The following NBEAL1 variants were observed in gnomAD, a reference collection of about 807,000 sequenced individuals.
NBEAL1 encodes the protein neurobeachin like 1.
Under a neutral mutation model 351.3 loss-of-function variants are expected in NBEAL1, and 273 were observed. That is an observed-to-expected ratio of 0.78 (90% CI 0.70 to 0.86). The LOEUF (loss-of-function observed/expected upper bound fraction) is 0.86, where lower values mean the gene tolerates loss of function less well. Among genes scored for constraint, NBEAL1 ranks in the 40% least tolerant of loss-of-function variants. The pLI is 0.00. For missense variants in NBEAL1, 2,961 were observed against 3,201.3 expected, an observed-to-expected ratio of 0.92 and a Z score of 1.81; for synonymous variants, 1,050 against 1,086.4, an observed-to-expected ratio of 0.97 and a Z score of 0.66.
intron 47 of NBEAL1, among the ~76,000 whole-genome samples, chr2:203,194,496 T>G (rs905891853): frequency 1.3e-5 from 2 of 152,178 alleles, no homozygotes; most frequent in Non-Finnish European, 2.9e-5. Context: ...TTACTAAGAT[T>G]AGTTTGAAAA....
chr2:203,053,502 C>T (rs1450236053), intron 4 of NBEAL1, among the ~76,000 whole-genome samples: 7 of 151,534 alleles, frequency 4.6e-5, no homozygotes, highest in African/African-American at 1.7e-4. Context: ...TTTTTGTCGT[C>T]GTCGTTGTTG....
At chr2:203,146,797 CAAT>C (rs1283133031) in intron 33 of NBEAL1, among the ~76,000 whole-genome samples, 2 of 151,480 alleles carry the variant, frequency 1.3e-5, no homozygotes, top group Non-Finnish European at 2.9e-5. Context: ...GTCTCAAGAA[CAAT>C]AATAATAATG....
At chr2:203,052,893 A>C (rs1045341761) in intron 4 of NBEAL1, among the ~76,000 whole-genome samples, 1 of 151,834 alleles carries the variant, frequency 6.6e-6, no homozygotes, top group African/African-American at 2.4e-5. Context: ...GTCCTCCTCC[A>C]TGTGTTTGTA....
At chr2:203,083,069 A>T (rs2061900680) in intron 8 of NBEAL1, 150 bp from the exon 9 acceptor site, 7 of 659,932 alleles carry the variant, frequency 1.1e-5, no homozygotes, top group East Asian at 2.7e-5. Flanking sequence ...TGTATGAACC[A>T]CTAGCAGTGG....
chr2:203,176,321 G>C (rs1428669510), intron 42 of NBEAL1, among the ~76,000 whole-genome samples: 3 of 151,564 alleles, frequency 2.0e-5, no homozygotes, highest in African/African-American at 7.3e-5. Context: ...GTAGAGATGG[G>C]GTTTTGCCAT....
At chr2:203,018,567 CA>C (rs2060717920) in intron 2 of NBEAL1, among the ~76,000 whole-genome samples, 1 of 152,060 alleles carries the variant, frequency 6.6e-6, no homozygotes, top group Non-Finnish European at 1.5e-5. Flanking sequence ...CTCTGAGGGA[CA>C]AGCAGTTTTT....
Position 203,222,661 on chromosome 2 carries a change from T to C in NBEAL1, c.*5307T>C, listed in dbSNP as rs1043581662. Among the ~76,000 whole-genome samples the C allele has an allele frequency of 3.3e-5, 5 of 152,172 alleles. No individual in the cohort carries two copies. The highest frequency in any genetic ancestry group is 9.6e-5 in the African/African-American group (4 of 41,452). On this transcript the variant is annotated 3_prime_UTR_variant, in exon 56 of 56. Transcript: ENST00000683969. ...ACATCTGTTTGCTAATATTAGTTCC[T>C]GGTGACTTTCAGTGAACGTTTTGCA...
At chr2:203,090,915 GAAGGAAAGGGAA>G (rs2062051677) in intron 10 of NBEAL1, among the ~76,000 whole-genome samples, 1 of 151,388 alleles carries the variant, frequency 6.6e-6, no homozygotes. Context: ...AGAAGGAAAG[GAAGGAAAGGGAA>G]AAGGAAAGGG....
intron 46 of NBEAL1, among the ~76,000 whole-genome samples, chr2:203,192,952 T>C (rs1267705701): frequency 1.6e-5 from 2 of 128,970 alleles, no homozygotes; most frequent in Non-Finnish European, 3.3e-5. Context: ...ATTGACTTTT[T>C]TTCTTTCTTT....
At chr2:203,082,621 A>G (rs1302661973) in intron 8 of NBEAL1, among the ~76,000 whole-genome samples, 1 of 152,230 alleles carries the variant, frequency 6.6e-6, no homozygotes, top group Non-Finnish European at 1.5e-5. Context: ...GTCATCTTAC[A>G]TGTTTAAATC....
In NBEAL1 at chr2:203,172,016, A is replaced by G; in HGVS notation, c.6191A>G (p.Tyr2064Cys). 6.3e-7 allele frequency: 1 copy of G among 1,581,236 alleles called. No individual in the cohort carries two copies. Among genetic ancestry groups the G allele is most frequent in the Non-Finnish European group, 8.6e-7 (1 of 1,166,670 alleles). ...AGRTYNDLAQ[Y>C]PVFPWILQDY... ...CGAACCTATAATGACCTTGCACAGT[A>G]TCCTGTGGTAAGTTTTGCATAAACC... Residue 2064 changes from tyrosine (Y) to cysteine (C), a missense_variant, in exon 40 of 56, where the codon TAT becomes TGT. Transcript: ENST00000683969.
chr2:203,113,821 CT>C (rs34496672), intron 17 of NBEAL1, among the ~76,000 whole-genome samples: 95,852 of 114,710 alleles, frequency 0.84, 40,436 homozygotes, highest in Non-Finnish European at 0.91. Context: ...CTGTGTCTCT[CT>C]TTTTTTTTTT....
intron 55 of NBEAL1, among the ~76,000 whole-genome samples, chr2:203,214,540 C>T (rs986283617): frequency 2.0e-5 from 3 of 152,054 alleles, no homozygotes; most frequent in Non-Finnish European, 2.9e-5. Flanking sequence ...TTTGGGGGAC[C>T]GAGACGAGCG....
At chr2:203,096,061 C>T (rs2062177598) in intron 10 of NBEAL1, among the ~76,000 whole-genome samples, 1 of 152,136 alleles carries the variant, frequency 6.6e-6, no homozygotes, top group Non-Finnish European at 1.5e-5. Flanking sequence ...CCAGCTGACA[C>T]CTTTCATTTG....
In NBEAL1 at chr2:203,016,262, T is replaced by C. The variant is rs1376216528; in HGVS notation, c.-123T>C. 1.3e-5 allele frequency: 7 copies of C among 553,666 alleles called. No homozygotes were observed. The highest frequency in any genetic ancestry group is 2.1e-5 in the Non-Finnish European group (7 of 338,702). The allele number at this position is 553,666 out of a possible 1,614,324, so 34.3% of individuals were successfully genotyped here. On this transcript the variant is annotated 5_prime_UTR_variant, in exon 2 of 56. Coordinates refer to ENST00000683969, the MANE Select transcript of NBEAL1 (RefSeq NM_001378026.1). ...ACAGTCCATTTGTTTCACTTCTTTT[T>C]GCTTTCTTTACTGCTATGAGCTTTA...
chr2:203,020,670 CAAAAAAAAAA>C (rs201438851), intron 2 of NBEAL1, among the ~76,000 whole-genome samples: 1 of 58,992 alleles, frequency 1.7e-5, no homozygotes, highest in Non-Finnish European at 3.5e-5. Context: ...GACTCTGTCT[CAAAAAAAAAA>C]AAAAAAAGAA....
At chr2:203,029,718 A>G (rs1470384311) in intron 2 of NBEAL1, among the ~76,000 whole-genome samples, 1 of 152,026 alleles carries the variant, frequency 6.6e-6, no homozygotes, top group Non-Finnish European at 1.5e-5. Flanking sequence ...GCTAATAAAA[A>G]CATACAAAAA....
chr2:203,174,089 C>CT (rs1246244293), intron 41 of NBEAL1, among the ~76,000 whole-genome samples: 1 of 148,634 alleles, frequency 6.7e-6, no homozygotes, highest in Non-Finnish European at 1.5e-5. Context: ...TCCACCATCT[C>CT]TTTTTTCTTT....
At chr2:203,133,300 C>T (rs142445746) in intron 27 of NBEAL1, among the ~76,000 whole-genome samples, 154 bp downstream of exon 27, 1 of 152,104 alleles carries the variant, frequency 6.6e-6, no homozygotes, top group Non-Finnish European at 1.5e-5. Flanking sequence ...AGTAAATTAA[C>T]TTCATGTTAT....
Sources: allele counts gnomAD v4.1 joint callset (sites outside exome capture counted in the v4.1 genomes callset), GRCh38; gene constraint gnomAD v4.1.1; transcripts MANE v1.5; gene names NCBI Gene and HGNC (gene_info 2026-07-23, HGNC 2026-07-21).